The following POM121C variants were observed in gnomAD, a reference collection of about 807,000 sequenced individuals.
POM121C encodes nuclear envelope pore membrane protein POM 121C.
POM121C carries 20 observed loss-of-function variants against 66.4 expected under a neutral mutation model. That is an observed-to-expected ratio of 0.30 (90% CI 0.21 to 0.44). The LOEUF (loss-of-function observed/expected upper bound fraction) is 0.44. Among genes scored for constraint, POM121C ranks in the 20% least tolerant of loss-of-function variants. The probability of loss-of-function intolerance (pLI) is 1.00; values close to 1 mark genes in which losing one functional copy is unlikely to be tolerated. For missense variants in POM121C, 580 were observed against 1,225.7 expected (o/e 0.47, Z 7.87); for synonymous variants, 286 against 528.0 (o/e 0.54, Z 6.28).
At chr7:75,430,011 G>A (rs1790103036) in intron 7 of POM121C, among the ~76,000 whole-genome samples, 1 of 152,098 alleles carries the variant, frequency 6.6e-6, no homozygotes, top group Non-Finnish European at 1.5e-5. Flanking sequence ...TGTCTCAAAA[G>A]TTAAATAAAG....
intron 7 of POM121C, among the ~76,000 whole-genome samples, chr7:75,435,256 A>G (rs587698669): frequency 6.6e-6 from 1 of 152,364 alleles, no homozygotes; most frequent in East Asian, 1.9e-4. Flanking sequence ...AATGACGTCA[A>G]CTGTCTATTA....
chr7:75,423,567 T>C (rs1789810803), intron 12 of POM121C, among the ~76,000 whole-genome samples: 1 of 150,934 alleles, frequency 6.6e-6, no homozygotes, highest in South Asian at 2.1e-4. Context: ...GGGAAGTCTC[T>C]GCCCTTGAGC....
Position 75,417,223 on chromosome 7 carries a change from A to G in POM121C, c.*1573T>C. The G allele has an allele frequency of 1.1e-6, 1 of 950,518 alleles. No individual in the cohort carries two copies. Among genetic ancestry groups the G allele is most frequent in the Non-Finnish European group, 1.3e-6 (1 of 796,882 alleles). The allele number at this position is 950,518 out of a possible 1,614,324, so 58.9% of individuals were successfully genotyped here. A position where few individuals can be genotyped will look rare whatever the true frequency, so the allele number is the denominator to read the frequency against. The stretch of plus-strand genomic sequence containing the variant: ...ACATCTACATCACATTATTTATAAA[A>G]TAAGAATTACATTTCATATAACATG... On this transcript the variant is annotated 3_prime_UTR_variant, in exon 15 of 15. Coordinates refer to ENST00000615331, the MANE Select transcript of POM121C (RefSeq NM_001099415.3).
At chr7:75,446,579 GA>G (rs1790817947) in intron 3 of POM121C, among the ~76,000 whole-genome samples, 1 of 151,186 alleles carries the variant, frequency 6.6e-6, no homozygotes. Flanking sequence ...AGCACCCCAG[GA>G]ATGGGAAAGA....
chr7:75,486,147 G>C lies in POM121C; in HGVS notation c.-741C>G. On this transcript the variant is annotated 5_prime_UTR_variant, in exon 1 of 15. Coordinates refer to ENST00000615331, the MANE Select transcript of POM121C (RefSeq NM_001099415.3). ...GCTCGAGCCTCTACCCGGCCCGCGC[G>C]AACCCTGGGCCGCACAGCTCCCGCC... 3.0e-6 allele frequency: 1 copy of C among 335,180 alleles called. No individual in the cohort carries two copies. The highest frequency in any genetic ancestry group is 5.7e-6 in the Non-Finnish European group (1 of 174,752). 20.8% of individuals were successfully genotyped at this position (335,180 alleles called of 1,614,324 possible).
At chr7:75,458,429 TGAG>T (rs1396845861) in intron 3 of POM121C, among the ~76,000 whole-genome samples, 1 of 152,052 alleles carries the variant, frequency 6.6e-6, no homozygotes, top group African/African-American at 2.4e-5. Context: ...CTCAAGAGGC[TGAG>T]GAGGAGGAGT....
In POM121C at chr7:75,416,850, A is replaced by G. The variant is rs1554469822; in HGVS notation, c.*1946T>C. ...AGGAGAAAAATCTCACATTCATACT[A>G]AAAATTCCAACTAGACTCAACAGGA... On this transcript the variant is annotated 3_prime_UTR_variant, in exon 15 of 15. Transcript: ENST00000615331. 3.5e-6 allele frequency: 5 copies of G among 1,447,970 alleles called. No homozygotes were observed. The East Asian group carries it at 1.2e-4, about 36-fold the overall frequency. 89.7% of individuals were successfully genotyped at this position (1,447,970 alleles called of 1,614,324 possible). A position where few individuals can be genotyped will look rare whatever the true frequency, so the allele number is the denominator to read the frequency against.
At chr7:75,435,191 C>G (rs1185933948) in intron 7 of POM121C, among the ~76,000 whole-genome samples, 5 of 152,162 alleles carry the variant, frequency 3.3e-5, no homozygotes, top group Non-Finnish European at 1.5e-5. Context: ...CAATAGAGGA[C>G]TAGAGTACCT....
rs587652804 is a variant in POM121C at position 75,418,942 on chromosome 7, C to G, written c.2867-49G>C. ...ATCAGGGCAGCTGCTACCTGAGACT[C>G]TGGCTCTGGGTGCCCAAATCTCTGG... On this transcript the variant is annotated intron_variant, in intron 14 of 14. Transcript: ENST00000615331. 50 of 1,539,488 alleles carry G rather than the reference C, an allele frequency of 3.2e-5. No individual in the cohort carries two copies. The East Asian group carries it at 1.1e-3, about 33-fold the overall frequency.
At chr7:75,452,963 A>G (rs1456554435) in intron 3 of POM121C, among the ~76,000 whole-genome samples, 1 of 152,202 alleles carries the variant, frequency 6.6e-6, no homozygotes. Context: ...GAACGGATCA[A>G]GCTAGGAAGC....
intron 1 of POM121C, among the ~76,000 whole-genome samples, chr7:75,481,179 C>T (rs1427717834): frequency 2.7e-5 from 4 of 149,948 alleles, no homozygotes; most frequent in African/African-American, 7.3e-5. Flanking sequence ...TTCTGAAAAT[C>T]TGAAATGATT....
At chr7:75,430,458 AAAAC>A (rs373320712) in intron 7 of POM121C, among the ~76,000 whole-genome samples, 41 of 152,348 alleles carry the variant, frequency 2.7e-4, no homozygotes, top group Non-Finnish European at 3.2e-4. Flanking sequence ...TCTATAGTAA[AAAAC>A]AAACAAACAA....
intron 2 of POM121C, 55 bp downstream of exon 2, chr7:75,475,007 C>T: frequency 2.0e-6 from 3 of 1,468,204 alleles, no homozygotes; most frequent in Non-Finnish European, 9.5e-7. Context: ...TTTCTTCAAA[C>T]TCAAGCATAA....
At chr7:75,424,794 A>ACT in intron 10 of POM121C, 166 bp from the exon 11 acceptor site, 1 of 1,209,000 alleles carries the variant, frequency 8.3e-7, no homozygotes, top group African/African-American at 1.5e-5. Flanking sequence ...CCCCATCTCT[A>ACT]CTAAAAATAC....
chr7:75,432,217 C>T (rs1790212133), intron 7 of POM121C, among the ~76,000 whole-genome samples: 1 of 148,624 alleles, frequency 6.7e-6, no homozygotes, highest in Non-Finnish European at 1.5e-5. Context: ...TTAGCAATAT[C>T]TACTAAAAGT....
At chr7:75,440,882 C>G (rs1218402980) in intron 5 of POM121C, 72 bp downstream of exon 5, 1 of 1,611,508 alleles carries the variant, frequency 6.2e-7, no homozygotes, top group African/African-American at 1.3e-5. Context: ...TGTATCTTTA[C>G]GGGAATGTCT....
At chr7:75,438,876 CCTT>C (rs1192833231) in intron 6 of POM121C, among the ~76,000 whole-genome samples, 3 of 152,200 alleles carry the variant, frequency 2.0e-5, no homozygotes, top group African/African-American at 7.2e-5. Flanking sequence ...ACTTTGCAAT[CCTT>C]CTGTGTATGT....
In POM121C at chr7:75,441,068, G is replaced by A. The variant is rs782206272; in HGVS notation, c.113C>T (p.Ala38Val). 10 of 1,613,900 alleles carry A rather than the reference G, an allele frequency of 6.2e-6. No homozygotes were observed. The South Asian group carries it at 1.1e-4, about 18-fold the overall frequency. Residue 38 changes from alanine (A) to valine (V), a missense_variant, in exon 5 of 15, where the codon GCC (alanine) becomes GTC (valine). Coordinates refer to ENST00000615331, the MANE Select transcript of POM121C (RefSeq NM_001099415.3). ...SSTLSSPSSNAPDPCAKETVL... is the reference protein window; with the variant it reads ...SSTLSSPSSNVPDPCAKETVL... The stretch of plus-strand genomic sequence containing the variant: ...AGTCTCCTTTGCACATGGGTCTGGG[G>A]CATTACTTGATGGTGACGACAGTGT...
At chr7:75,483,088 A>G (rs1554480369) in intron 1 of POM121C, among the ~76,000 whole-genome samples, 1 of 152,066 alleles carries the variant, frequency 6.6e-6, no homozygotes, top group African/African-American at 2.4e-5. Flanking sequence ...CCCATGATCT[A>G]GGACTCAACA....
Sources: gnomAD v4.1 joint callset for allele counts (sites outside exome capture counted in the v4.1 genomes callset) on GRCh38, gnomAD v4.1.1 for gene constraint, MANE v1.5 for transcripts, NCBI Gene and HGNC (gene_info 2026-07-23, HGNC 2026-07-21) for gene names.